The following FREM2 variants were observed in gnomAD, a reference collection of about 807,000 sequenced individuals.
FREM2 encodes the protein FRAS1 related extracellular matrix 2.
FREM2 carries 119 observed loss-of-function variants against 219.9 expected under a neutral mutation model. The observed-to-expected ratio is 0.54, with a 90% CI of 0.47 to 0.63. The LOEUF is 0.63. Ranked by LOEUF, FREM2 falls within the 30% of genes least tolerant of loss-of-function variation. FREM2 has a pLI of 0.00. For missense variants in FREM2, 4,030 were observed against 3,993.6 expected, an observed-to-expected ratio of 1.01 and a Z score of -0.25; for synonymous variants, 1,562 against 1,522.8, an observed-to-expected ratio of 1.03 and a Z score of -0.60.
chr13:38,706,339 G>A (rs1296118490), intron 2 of FREM2, among the ~76,000 whole-genome samples: 2 of 152,252 alleles, frequency 1.3e-5, no homozygotes, highest in African/African-American at 2.4e-5. Flanking sequence ...TATTGGAATC[G>A]CCTAAATATG....
At position 38,687,764 on chromosome 13, in the gene FREM2, C is replaced by T; in HGVS notation, c.420C>T (p.His140=). 6.5e-7 allele frequency: 1 copy of T among 1,541,544 alleles called. No individual in the cohort carries two copies. The highest frequency in any genetic ancestry group is 8.8e-7 in the Non-Finnish European group (1 of 1,140,852). The stretch of plus-strand genomic sequence containing the variant: ...GCCCTGGCGAGGTGCGCTACTCTCA[C>T]CTGGGCGCGCGCAGCCCGTCTCGGG... ...DFGPGEVRYS[H]LGARSPSRDR... The change falls in exon 1 of 24, where the codon CAC becomes CAT. Residue 140 remains histidine (H), a synonymous_variant. Coordinates refer to ENST00000280481, the MANE Select transcript of FREM2 (RefSeq NM_207361.6).
intron 2 of FREM2, among the ~76,000 whole-genome samples, chr13:38,705,216 C>T (rs1054858131): frequency 1.3e-5 from 2 of 152,010 alleles, no homozygotes; most frequent in African/African-American, 4.8e-5. Flanking sequence ...ATAAGGTAAG[C>T]TTGATATAAT....
At chr13:38,724,674 T>A (rs898459370) in intron 2 of FREM2, among the ~76,000 whole-genome samples, 4 of 152,310 alleles carry the variant, frequency 2.6e-5, no homozygotes, top group Admixed American at 2.6e-4. Context: ...CAGGGGTAGT[T>A]AGAACCAACA....
chr13:38,732,820 A>G (rs1209165377), intron 2 of FREM2, among the ~76,000 whole-genome samples: 2 of 152,244 alleles, frequency 1.3e-5, no homozygotes, highest in African/African-American at 4.8e-5. Flanking sequence ...TGTAGAGAAC[A>G]CTATTTTATA....
chr13:38,770,926 G>A (rs1180398525), intron 4 of FREM2, among the ~76,000 whole-genome samples: 2 of 151,946 alleles, frequency 1.3e-5, no homozygotes, highest in South Asian at 2.1e-4. Flanking sequence ...TATACAAACC[G>A]TATAGAAACA....
chr13:38,736,045 T>A (rs916484797), intron 2 of FREM2, among the ~76,000 whole-genome samples: 6 of 152,162 alleles, frequency 3.9e-5, no homozygotes, highest in Admixed American at 6.5e-5. Flanking sequence ...TCCCTTAGGC[T>A]GTGCGAAAGG....
chr13:38,866,730 T>C (rs1877982947), intron 16 of FREM2, among the ~76,000 whole-genome samples: 1 of 151,964 alleles, frequency 6.6e-6, no homozygotes, highest in Non-Finnish European at 1.5e-5. Context: ...ATCTAGTTTA[T>C]AGTCTGTTTT....
chr13:38,734,589 A>C (rs140915995), intron 2 of FREM2, among the ~76,000 whole-genome samples: 1 of 152,264 alleles, frequency 6.6e-6, no homozygotes, highest in African/African-American at 2.4e-5. Context: ...TATATACCAT[A>C]ATCTAAACTG....
At chr13:38,807,089 T>C (rs1875259150) in intron 6 of FREM2, among the ~76,000 whole-genome samples, 2 of 149,300 alleles carry the variant, frequency 1.3e-5, no homozygotes, top group South Asian at 4.3e-4. Flanking sequence ...TCCACTGAAG[T>C]CTTGAACCCC....
intron 4 of FREM2, 143 bp from the exon 5 acceptor site, chr13:38,782,927 C>A: frequency 9.9e-7 from 1 of 1,006,084 alleles, no homozygotes; most frequent in Admixed American, 1.8e-5. Flanking sequence ...CCCTCTCCTT[C>A]CTCCTTTTCC....
Position 38,880,964 on chromosome 13 carries a change from A to C in FREM2, c.*177A>C, listed in dbSNP as rs542452111. Reference sequence around the variant, plus strand: ...TTCTCCATACTCTTTTTTGCATCAAAGGACAAATTAAGGCATCTTTCCTCT... The same window carrying C: ...TTCTCCATACTCTTTTTTGCATCAACGGACAAATTAAGGCATCTTTCCTCT... On this transcript the variant is annotated 3_prime_UTR_variant, in exon 24 of 24. Coordinates refer to ENST00000280481, the MANE Select transcript of FREM2 (RefSeq NM_207361.6). 3 of 803,978 alleles carry C rather than the reference A, an allele frequency of 3.7e-6. No individual in the cohort carries two copies. The East Asian group carries it at 8.0e-5, about 22-fold the overall frequency. The allele number at this position is 803,978 out of a possible 1,614,324, so 49.8% of individuals were successfully genotyped here.
chr13:38,882,201 A>G lies in FREM2; in HGVS notation c.*1414A>G, dbSNP rs189156040. 1.3e-5 allele frequency: 2 copies of G among 152,290 alleles called. No homozygotes were observed. The highest frequency in any genetic ancestry group is 1.9e-4 in the East Asian group (1 of 5,182). The allele number at this position is 152,290 out of a possible 1,614,324, so 9.4% of individuals were successfully genotyped here. A position where few individuals can be genotyped will look rare whatever the true frequency, so the allele number is the denominator to read the frequency against. ...GCAGAAATTTCGCTTAGAAGGGGAA[A>G]ACTTCAGCTTTCCAAAAGCTAGTAA... On this transcript the variant is annotated 3_prime_UTR_variant, in exon 24 of 24. Transcript: ENST00000280481.
Position 38,689,609 on chromosome 13 carries a change from A to G in FREM2, c.2265A>G (p.Pro755=). The change falls in exon 1 of 24, where the codon CCA becomes CCG. Residue 755 remains proline (P), a synonymous_variant. Coordinates refer to ENST00000280481, the MANE Select transcript of FREM2 (RefSeq NM_207361.6). ...PPTDTDENHL[P]APLGTLVLTD... ...CAGACACAGACGAAAATCACCTGCC[A>G]GCCCCACTGGGTACCTTGGTCTTGA... 6.2e-7 allele frequency: 1 copy of G among 1,613,646 alleles called. No individual in the cohort carries two copies. Among genetic ancestry groups the G allele is most frequent in the Non-Finnish European group, 8.5e-7 (1 of 1,179,780 alleles).
chr13:38,695,686 T>C (rs1308659277), intron 1 of FREM2, among the ~76,000 whole-genome samples: 1 of 152,198 alleles, frequency 6.6e-6, no homozygotes, highest in Non-Finnish European at 1.5e-5. Context: ...CAGAGTTTAC[T>C]GCATTTTTTT....
intron 6 of FREM2, among the ~76,000 whole-genome samples, chr13:38,826,042 A>G (rs1188326351): frequency 1.3e-5 from 2 of 152,152 alleles, no homozygotes; most frequent in African/African-American, 2.4e-5. Flanking sequence ...AACACAAACC[A>G]TCTTAAAGAC....
chr13:38,796,059 T>C (rs1213652920), intron 6 of FREM2, among the ~76,000 whole-genome samples: 1 of 152,106 alleles, frequency 6.6e-6, no homozygotes, highest in Non-Finnish European at 1.5e-5. Context: ...GTTGGGAAGC[T>C]CATAGAATCA....
intron 11 of FREM2, among the ~76,000 whole-genome samples, chr13:38,852,251 G>T (rs2137912763): frequency 6.6e-6 from 1 of 152,192 alleles, no homozygotes; most frequent in Non-Finnish European, 1.5e-5. Context: ...TTCTGTTTCT[G>T]AGCTGTTTCA....
intron 6 of FREM2, among the ~76,000 whole-genome samples, chr13:38,797,821 A>G (rs1874853749): frequency 6.6e-6 from 1 of 152,076 alleles, no homozygotes; most frequent in African/African-American, 2.4e-5. Context: ...ATGGTGAGAG[A>G]CAGGGGTCCA....
intron 2 of FREM2, among the ~76,000 whole-genome samples, chr13:38,757,425 T>C (rs1873056462): frequency 6.6e-6 from 1 of 152,122 alleles, no homozygotes; most frequent in African/African-American, 2.4e-5. Context: ...TGTGTGACAA[T>C]TACTAAGATA....
Sources: gnomAD v4.1 joint callset for allele counts (sites outside exome capture counted in the v4.1 genomes callset) on GRCh38, gnomAD v4.1.1 for gene constraint, MANE v1.5 for transcripts, NCBI Gene and HGNC (gene_info 2026-07-23, HGNC 2026-07-21) for gene names.